The following KIF6 variants were observed in gnomAD, a reference collection of about 807,000 sequenced individuals.
KIF6 encodes kinesin family member 6, also known as kinesin-like protein KIF6.
A neutral mutation model predicts 112.7 loss-of-function variants in KIF6; 106 were observed. The observed-to-expected ratio is 0.94, with a 90% confidence interval of 0.80 to 1.11. KIF6 has a LOEUF of 1.11. KIF6 is among the 50% of genes least tolerant of loss of function. The pLI is 0.00. For synonymous variants in KIF6, 339 were observed against 339.9 expected, an observed-to-expected ratio of 1.00 and a Z score of 0.03; for missense variants, 929 against 964.0, an observed-to-expected ratio of 0.96 and a Z score of 0.48.
chr6:39,692,401 T>G (rs1013356744), intron 3 of KIF6, among the ~76,000 whole-genome samples: 2 of 152,220 alleles, frequency 1.3e-5, no homozygotes, highest in African/African-American at 4.8e-5. Context: ...AACAATCACC[T>G]AACTTTCCCC....
chr6:39,654,850 T>C (rs913561861), intron 3 of KIF6, among the ~76,000 whole-genome samples: 1 of 152,244 alleles, frequency 6.6e-6, no homozygotes, highest in Non-Finnish European at 1.5e-5. Flanking sequence ...TAATTTTTTA[T>C]ACTCTAAGTC....
rs542868949 is a variant in KIF6, at chr6:39,352,445, A to G, written c.2180+4832T>C. On this transcript the variant is annotated intron_variant, in intron 19 of 22. Transcript: ENST00000287152. The stretch of plus-strand genomic sequence containing the variant: ...TCCATCTATTCATCCTTTCCTCCCT[A>G]CAAGTCCATGACAACCACTGACTAT... 2.2e-4 allele frequency among the ~76,000 whole-genome samples: 33 copies of G among 152,208 alleles called. No homozygotes were observed. The South Asian group carries it at 3.3e-3, about 15-fold the overall frequency.
chr6:39,655,019 A>T (rs1785689420), intron 3 of KIF6, among the ~76,000 whole-genome samples: 1 of 152,202 alleles, frequency 6.6e-6, no homozygotes, highest in Non-Finnish European at 1.5e-5. Flanking sequence ...GTTTTGATAG[A>T]TACTGACAAT....
intron 13 of KIF6, among the ~76,000 whole-genome samples, chr6:39,491,596 A>G (rs573886776): frequency 6.6e-6 from 1 of 152,346 alleles, no homozygotes; most frequent in South Asian, 2.1e-4. Flanking sequence ...ATAAACAAAA[A>G]TCTGTAACAT....
At chr6:39,549,150 C>A (rs1192403722) in intron 10 of KIF6, among the ~76,000 whole-genome samples, 1 of 152,042 alleles carries the variant, frequency 6.6e-6, no homozygotes, top group East Asian at 1.9e-4. Context: ...ATAATTAGAA[C>A]TGACCATATT....
chr6:39,514,399 C>T (rs776868918), intron 13 of KIF6, among the ~76,000 whole-genome samples: 22 of 152,262 alleles, frequency 1.4e-4, no homozygotes, highest in Admixed American at 6.5e-4. Context: ...GCCCATCCAG[C>T]GTCCATCAGC....
At chr6:39,464,154 C>A (rs888676528) in intron 13 of KIF6, among the ~76,000 whole-genome samples, 1 of 152,180 alleles carries the variant, frequency 6.6e-6, no homozygotes, top group South Asian at 2.1e-4. Context: ...TGACCGTTGT[C>A]GTGCTTGATG....
Position 39,444,291 on chromosome 6 carries a change from C to T in KIF6, c.1646-13130G>A, listed in dbSNP as rs185554106. The stretch of plus-strand genomic sequence containing the variant: ...ACCTTTATTTCTGCACAGGCCACCC[C>T]GGCTTTACTGAGGCATAATTGACAA... On this transcript the variant is annotated intron_variant, in intron 13 of 22. Coordinates refer to ENST00000287152, the MANE Select transcript of KIF6 (RefSeq NM_145027.6). 1.5e-4 allele frequency among the ~76,000 whole-genome samples: 23 copies of T among 152,130 alleles called. No individual in the cohort carries two copies. In the East Asian group the frequency reaches 4.2e-3, roughly 28 times the overall value.
intron 3 of KIF6, among the ~76,000 whole-genome samples, chr6:39,674,236 C>T (rs951438253): frequency 2.0e-5 from 3 of 151,996 alleles, no homozygotes; most frequent in African/African-American, 7.2e-5. Flanking sequence ...GAAAAATCAG[C>T]CTTGTGAAAC....
chr6:39,697,797 C>A (rs1320608327), intron 3 of KIF6, among the ~76,000 whole-genome samples: 1 of 152,136 alleles, frequency 6.6e-6, no homozygotes, highest in Non-Finnish European at 1.5e-5. Flanking sequence ...ATCCACCTGC[C>A]TCGGCCTCCC....
intron 3 of KIF6, among the ~76,000 whole-genome samples, chr6:39,675,205 A>G (rs562390403): frequency 3.0e-4 from 46 of 152,286 alleles, no homozygotes; most frequent in Non-Finnish European, 5.1e-4. Flanking sequence ...TGGAGAAAGA[A>G]GGCTGACATC....
intron 12 of KIF6, among the ~76,000 whole-genome samples, chr6:39,540,543 T>C (rs963049609): frequency 2.6e-5 from 4 of 152,240 alleles, no homozygotes; most frequent in Non-Finnish European, 5.9e-5. Flanking sequence ...CAATAGGCTA[T>C]GTATACATCT....
intron 19 of KIF6, 112 bp downstream of exon 19, chr6:39,357,165 T>A (rs558469832): frequency 1.0e-5 from 7 of 667,050 alleles, no homozygotes; most frequent in Non-Finnish European, 1.6e-5. Flanking sequence ...GAATTAATCC[T>A]GCTGGATCAT....
At chr6:39,649,441 G>A (rs939334571) in intron 3 of KIF6, among the ~76,000 whole-genome samples, 3 of 152,142 alleles carry the variant, frequency 2.0e-5, no homozygotes, top group African/African-American at 7.2e-5. Context: ...TGGATTAACT[G>A]GTAATTTATA....
intron 3 of KIF6, among the ~76,000 whole-genome samples, chr6:39,705,342 G>A (rs998360872): frequency 1.3e-5 from 2 of 152,182 alleles, no homozygotes. Flanking sequence ...CTAGACAAAA[G>A]AGCAGGTGTC....
At chr6:39,376,915 G>A (rs1376584727) in intron 16 of KIF6, among the ~76,000 whole-genome samples, 1 of 152,194 alleles carries the variant, frequency 6.6e-6, no homozygotes, top group Non-Finnish European at 1.5e-5. Context: ...TTGAATTTGA[G>A]TGGGCGAGAA....
At chr6:39,435,168 CA>C (rs2150387372) in intron 13 of KIF6, among the ~76,000 whole-genome samples, 1 of 152,174 alleles carries the variant, frequency 6.6e-6, no homozygotes, top group African/African-American at 2.4e-5. Context: ...TGGTGGGGCT[CA>C]AAATGACCTC....
At chr6:39,433,126 G>C (rs1165014949) in intron 13 of KIF6, among the ~76,000 whole-genome samples, 3 of 152,244 alleles carry the variant, frequency 2.0e-5, no homozygotes, top group Admixed American at 6.5e-5. Context: ...CAGAGCCCAC[G>C]GCACTGTGGC....
At chr6:39,637,477 A>G (rs1238847443) in intron 4 of KIF6, among the ~76,000 whole-genome samples, 1 of 152,072 alleles carries the variant, frequency 6.6e-6, no homozygotes, top group Non-Finnish European at 1.5e-5. Context: ...AGTGATTTCT[A>G]AAATAAATGG....
Sources: allele counts gnomAD v4.1 joint callset (sites outside exome capture counted in the v4.1 genomes callset), GRCh38; gene constraint gnomAD v4.1.1; transcripts MANE v1.5; gene names NCBI Gene and HGNC (gene_info 2026-07-23, HGNC 2026-07-21).